Variants in ENOX1 observed in about 807,000 individuals in gnomAD.
ENOX1 encodes candidate growth-related and time keeping constitutive hydroquinone (NADH) oxidase.
A neutral mutation model predicts 82.5 loss-of-function variants in ENOX1; 42 were observed. The ratio of observed to expected loss-of-function variants is 0.51; its 90% CI spans 0.40 to 0.66. ENOX1 has a LOEUF of 0.66. Among genes scored for constraint, ENOX1 ranks in the 30% least tolerant of loss-of-function variants. The probability of loss-of-function intolerance (pLI) is 0.00; values close to 1 mark genes in which losing one functional copy is unlikely to be tolerated. For missense variants in ENOX1, 608 were observed against 811.6 expected (o/e 0.75, Z 3.05); for synonymous variants, 271 against 282.2 (o/e 0.96, Z 0.40).
chr13:43,719,302 TACACACACACACACACACACACAC>T (rs3024232), intron 1 of ENOX1, among the ~76,000 whole-genome samples: 1 of 126,682 alleles, frequency 7.9e-6, no homozygotes, highest in African/African-American at 2.9e-5. Flanking sequence ...TTCATTCAAA[TACACACACACACACACACACACAC>T]ACACACACAC....
chr13:43,262,758 T>C (rs184632193), intron 14 of ENOX1, among the ~76,000 whole-genome samples: 4 of 152,304 alleles, frequency 2.6e-5, no homozygotes, highest in African/African-American at 9.6e-5. Flanking sequence ...AATACAGACA[T>C]GAACCTCCAC....
chr13:43,581,125 CTTT>C (rs1174448355), intron 2 of ENOX1, among the ~76,000 whole-genome samples: 3 of 77,102 alleles, frequency 3.9e-5, no homozygotes, highest in African/African-American at 1.0e-4. Flanking sequence ...CTACCTGATT[CTTT>C]TTTTTTTTTT....
At chr13:43,400,805 C>A (rs1374149202) in intron 5 of ENOX1, among the ~76,000 whole-genome samples, 5 of 152,174 alleles carry the variant, frequency 3.3e-5, no homozygotes, top group African/African-American at 1.2e-4. Flanking sequence ...TGATGTCTTT[C>A]CACCCAAGGT....
intron 3 of ENOX1, among the ~76,000 whole-genome samples, chr13:43,417,221 C>A (rs1172405672): frequency 1.5e-5 from 1 of 64,936 alleles, no homozygotes; most frequent in African/African-American, 6.8e-5. Flanking sequence ...AGACGGGAGA[C>A]GGGAGACGGG....
intron 2 of ENOX1, among the ~76,000 whole-genome samples, chr13:43,576,610 C>T (rs1233859508): frequency 6.6e-6 from 1 of 152,056 alleles, no homozygotes; most frequent in Non-Finnish European, 1.5e-5. Context: ...CTGCAGAAAC[C>T]TTGATTTTAG....
chr13:43,342,441 G>A (rs1036297738), intron 9 of ENOX1, among the ~76,000 whole-genome samples: 1 of 152,130 alleles, frequency 6.6e-6, no homozygotes, highest in Admixed American at 6.6e-5. Context: ...AAGAGGAGCA[G>A]GTTTGAAGAT....
At chr13:43,715,133 T>G (rs2088022373) in intron 1 of ENOX1, among the ~76,000 whole-genome samples, 1 of 152,192 alleles carries the variant, frequency 6.6e-6, no homozygotes, top group Non-Finnish European at 1.5e-5. Flanking sequence ...CAGCATTTGC[T>G]TGTCTGTAAA....
chr13:43,244,736 C>T (rs1254248182), intron 14 of ENOX1, among the ~76,000 whole-genome samples: 4 of 152,112 alleles, frequency 2.6e-5, no homozygotes, highest in Non-Finnish European at 4.4e-5. Context: ...GTGGGACAGT[C>T]GACAAGATCT....
chr13:43,764,401 G>T (rs2153836232), intron 1 of ENOX1, among the ~76,000 whole-genome samples: 1 of 152,282 alleles, frequency 6.6e-6, no homozygotes, highest in Non-Finnish European at 1.5e-5. Flanking sequence ...GAGCCCACTT[G>T]TAACAGCACA....
intron 12 of ENOX1, among the ~76,000 whole-genome samples, chr13:43,283,556 C>G (rs1260614920): frequency 6.6e-6 from 1 of 152,012 alleles, no homozygotes; most frequent in Non-Finnish European, 1.5e-5. Flanking sequence ...GGGAATTATC[C>G]CACCTCAGCT....
At chr13:43,322,306 G>T in intron 11 of ENOX1, 78 bp downstream of exon 11, 1 of 1,070,572 alleles carries the variant, frequency 9.3e-7, no homozygotes, top group Non-Finnish European at 1.4e-6. Context: ...GAGTTATAGG[G>T]CCATTTACTT....
At chr13:43,302,110 TAA>T (rs57152548) in intron 11 of ENOX1, among the ~76,000 whole-genome samples, 1,502 of 147,998 alleles carry the variant, frequency 0.01, 27 homozygotes, top group African/African-American at 0.032. Flanking sequence ...GTATAAGGAT[TAA>T]AAAAAAAAAA....
chr13:43,470,382 A>G (rs74723735), intron 3 of ENOX1, among the ~76,000 whole-genome samples: 1 of 31,026 alleles, frequency 3.2e-5, no homozygotes, highest in East Asian at 3.2e-4. Flanking sequence ...ATATACATAT[A>G]TATACGTATA....
chr13:43,436,473 T>C (rs1047058962), intron 3 of ENOX1, among the ~76,000 whole-genome samples: 1 of 152,146 alleles, frequency 6.6e-6, no homozygotes, highest in African/African-American at 2.4e-5. Flanking sequence ...ACCTAAAATA[T>C]TATATATGTT....
At chr13:43,238,893 T>A (rs1448104330) in intron 14 of ENOX1, among the ~76,000 whole-genome samples, 1 of 151,754 alleles carries the variant, frequency 6.6e-6, no homozygotes, top group Non-Finnish European at 1.5e-5. Flanking sequence ...TTGAGGGAAA[T>A]GGACTGTAGA....
At chr13:43,410,759 T>C (rs2054081530) in intron 5 of ENOX1, among the ~76,000 whole-genome samples, 1 of 152,132 alleles carries the variant, frequency 6.6e-6, no homozygotes, top group African/African-American at 2.4e-5. Context: ...TGCACAGGTA[T>C]GTGGGAGTAG....
chr13:43,761,188 C>T (rs371728077), intron 1 of ENOX1, among the ~76,000 whole-genome samples: 1 of 152,042 alleles, frequency 6.6e-6, no homozygotes, highest in Non-Finnish European at 1.5e-5. Context: ...CACAAGATAC[C>T]TAATTTTCCC....
intron 2 of ENOX1, among the ~76,000 whole-genome samples, chr13:43,541,173 G>GTTTTTTTTTTTTTTGTT (rs2078698696): frequency 1.5e-5 from 1 of 64,574 alleles, no homozygotes; most frequent in Admixed American, 1.7e-4. Context: ...TCTTCCCTCT[G>GTTTTTTTTTTTTTTGTT]TTTTTTTTTT....
intron 3 of ENOX1, among the ~76,000 whole-genome samples, chr13:43,440,957 C>T (rs1458295654): frequency 6.6e-6 from 1 of 152,192 alleles, no homozygotes; most frequent in Non-Finnish European, 1.5e-5. Flanking sequence ...TACACCACCT[C>T]TGTGGTATTC....
Sources: allele counts gnomAD v4.1 joint callset (sites outside exome capture counted in the v4.1 genomes callset), GRCh38; gene constraint gnomAD v4.1.1; transcripts MANE v1.5; gene names NCBI Gene and HGNC (gene_info 2026-07-23, HGNC 2026-07-21).